The following PAXIP1 variants were observed in gnomAD, a reference collection of about 807,000 sequenced individuals.
The protein encoded by PAXIP1 is PAX-interacting protein 1.
A neutral mutation model predicts 140.6 loss-of-function variants in PAXIP1; 19 were observed. The ratio of observed to expected loss-of-function variants is 0.14; its 90% CI spans 0.09 to 0.20. PAXIP1 has a LOEUF of 0.20. Among genes scored for constraint, PAXIP1 ranks in the 10% least tolerant of loss-of-function variants. The probability of loss-of-function intolerance (pLI) is 1.00; values close to 1 mark genes in which losing one functional copy is unlikely to be tolerated. For synonymous variants in PAXIP1, 442 were observed against 444.6 expected (o/e 0.99, Z 0.07); for missense variants, 920 against 1,208.6 (o/e 0.76, Z 3.54).
chr7:154,955,638 A>T lies in PAXIP1; in HGVS notation c.2550-7T>A. On this transcript the variant is annotated splice_polypyrimidine_tract_variant and splice_region_variant and intron_variant, in intron 14 of 20. Coordinates refer to ENST00000404141, the MANE Select transcript of PAXIP1 (RefSeq NM_007349.4). ...AGGTGGTACGTCTTCAATTCTGTGG[A>T]AGAAATACACATAAAATAGTAGTGA... 1.4e-6 allele frequency: 2 copies of T among 1,461,282 alleles called. No individual in the cohort carries two copies. Among genetic ancestry groups the T allele is most frequent in the Non-Finnish European group, 1.9e-6 (2 of 1,069,436 alleles). The allele number at this position is 1,461,282 out of a possible 1,614,324, so 90.5% of individuals were successfully genotyped here.
chr7:155,001,519 C>A (rs1488412051), intron 1 of PAXIP1: 1 of 144,146 alleles, frequency 6.9e-6, no homozygotes, highest in Non-Finnish European at 1.5e-5. Flanking sequence ...TTTTTTGAGA[C>A]GGAGTCTAGC....
intron 7 of PAXIP1, 57 bp from the exon 8 acceptor site, chr7:154,967,967 A>C (rs182247217): frequency 9.0e-7 from 1 of 1,115,424 alleles, no homozygotes; most frequent in East Asian, 2.5e-5. Flanking sequence ...ATGCTTGCAC[A>C]AAAGTTAAAA....
chr7:154,984,194 T>G (rs1809964547), intron 4 of PAXIP1, among the ~76,000 whole-genome samples: 2 of 152,230 alleles, frequency 1.3e-5, no homozygotes, highest in South Asian at 4.1e-4. Context: ...GACTTTCCAC[T>G]GTTCTACAGT....
At chr7:154,957,953 G>A (rs1210664588) in intron 13 of PAXIP1, among the ~76,000 whole-genome samples, 6 of 121,688 alleles carry the variant, frequency 4.9e-5, no homozygotes, top group Admixed American at 2.2e-4. Context: ...TGGCCTGGGC[G>A]ACAGAGCGAG....
Position 154,963,558 on chromosome 7 carries a change from T to C in PAXIP1, c.1989+113A>G. 1.5e-6 allele frequency: 1 copy of C among 675,766 alleles called. No individual in the cohort carries two copies. Among genetic ancestry groups the C allele is most frequent in the Non-Finnish European group, 2.6e-6 (1 of 383,206 alleles). The allele number at this position is 675,766 out of a possible 1,614,324, so 41.9% of individuals were successfully genotyped here. ...ATCACAGGAAGAAGGAATTTTCCTA[T>C]CTTTAGAGGTAGAAAAAAGTTCTTT... On this transcript the variant is annotated intron_variant, in intron 9 of 20. Coordinates refer to ENST00000404141, the MANE Select transcript of PAXIP1 (RefSeq NM_007349.4). The surrounding 1 kb of genome is among the most constrained non-coding windows in gnomAD (Gnocchi z 4.1).
chr7:154,995,402 T>C (rs1038405344), intron 2 of PAXIP1, among the ~76,000 whole-genome samples: 3 of 152,128 alleles, frequency 2.0e-5, no homozygotes, highest in Non-Finnish European at 4.4e-5. Flanking sequence ...TAAAGTCCCA[T>C]CCAAGCACAG....
At chr7:154,969,830 C>T (rs1272774712) in intron 6 of PAXIP1, among the ~76,000 whole-genome samples, 2 of 152,168 alleles carry the variant, frequency 1.3e-5, no homozygotes, top group African/African-American at 2.4e-5. Flanking sequence ...TGGTGATGTT[C>T]CTCCCAACTA....
At chr7:154,945,743 T>A in intron 20 of PAXIP1, 1 of 985,330 alleles carries the variant, frequency 1.0e-6, no homozygotes, top group South Asian at 4.7e-5. Flanking sequence ...CTGTAAGGCA[T>A]GTTTTGCTTC....
At chr7:154,982,660 C>T (rs781156677) in intron 5 of PAXIP1, among the ~76,000 whole-genome samples, 7 of 152,148 alleles carry the variant, frequency 4.6e-5, no homozygotes, top group Non-Finnish European at 1.0e-4. Flanking sequence ...CAACAGGCTG[C>T]ATTTCTAACA....
intron 3 of PAXIP1, among the ~76,000 whole-genome samples, chr7:154,991,549 G>A (rs566055140): frequency 1.5e-3 from 234 of 152,258 alleles, no homozygotes; most frequent in Middle Eastern, 3.4e-3. Flanking sequence ...TATTATCTCC[G>A]CTAACTTTGT....
Position 155,003,020 on chromosome 7 carries a change from C to T in PAXIP1, c.-91G>A. 2.4e-6 allele frequency: 1 copy of T among 410,432 alleles called. No individual in the cohort carries two copies. Among genetic ancestry groups the T allele is most frequent in the Non-Finnish European group, 3.3e-6 (1 of 307,018 alleles). 25.4% of individuals were successfully genotyped at this position (410,432 alleles called of 1,614,324 possible). On this transcript the variant is annotated 5_prime_UTR_variant, in exon 1 of 21. Transcript: ENST00000404141. ...CGCGGCGCCCGGCGCCCCCACTCGC[C>T]CCGCCAACGGCCCTGCCCGCGCAGC...
At chr7:154,997,902 A>G (rs1272462627) in intron 2 of PAXIP1, among the ~76,000 whole-genome samples, 2 of 152,190 alleles carry the variant, frequency 1.3e-5, no homozygotes, top group African/African-American at 4.8e-5. Context: ...ATGGAAAGTA[A>G]CCCTGTCCTA....
chr7:154,945,312 A>G (rs1807907566), intron 20 of PAXIP1: 1 of 169,856 alleles, frequency 5.9e-6, no homozygotes. Flanking sequence ...CTTTTCTCTC[A>G]GTGATATCAA....
chr7:154,975,703 A>G lies in PAXIP1; in HGVS notation c.1067T>C (p.Val356Ala), dbSNP rs775193126. The stretch of plus-strand genomic sequence containing the variant: ...TCGGAAAGAGTGACTTACATGTGCT[A>G]CATTTGATGGCCGGTTCATCTGCTG... ...DIQQMNRPSN[V>A]AHILQTLSAP... The change falls in exon 6 of 21, where the codon GTA (valine) becomes GCA (alanine). Residue 356 changes from valine (V) to alanine (A), a missense_variant. By Grantham distance (64) the Val-to-Ala change is moderately conservative (BLOSUM62 0). Around this residue, in one of 5 missense-constraint regions of PAXIP1, gnomAD observed 419 missense variants for 514.7 expected, o/e 0.81. Coordinates refer to ENST00000404141, the MANE Select transcript of PAXIP1 (RefSeq NM_007349.4). 2 of 1,606,348 alleles carry G rather than the reference A, an allele frequency of 1.2e-6. No individual in the cohort carries two copies. The highest frequency in any genetic ancestry group is 1.7e-6 in the Non-Finnish European group (2 of 1,173,536).
intron 4 of PAXIP1, among the ~76,000 whole-genome samples, chr7:154,989,258 T>C (rs1405564908): frequency 1.3e-5 from 2 of 152,190 alleles, no homozygotes; most frequent in African/African-American, 4.8e-5. Context: ...ACCGGTGATA[T>C]CCTTTGTATT....
At chr7:154,962,873 G>A (rs1209026855) in intron 9 of PAXIP1, among the ~76,000 whole-genome samples, 1 of 152,152 alleles carries the variant, frequency 6.6e-6, no homozygotes, top group African/African-American at 2.4e-5. Flanking sequence ...CATTTTTACA[G>A]GAAAAGCAGA....
intron 13 of PAXIP1, among the ~76,000 whole-genome samples, chr7:154,959,632 C>CCT (rs1484513749): frequency 2.0e-5 from 3 of 152,150 alleles, no homozygotes; most frequent in Non-Finnish European, 2.9e-5. Flanking sequence ...AAAACATTCC[C>CCT]CTCATCAAGA....
chr7:154,999,897 A>G (rs1810808878), intron 1 of PAXIP1, among the ~76,000 whole-genome samples: 1 of 152,180 alleles, frequency 6.6e-6, no homozygotes, highest in South Asian at 2.1e-4. Context: ...ACAGCAACTG[A>G]TACTTCAGGG....
chr7:155,002,144 C>T (rs1034083260), intron 1 of PAXIP1: 1 of 152,266 alleles, frequency 6.6e-6, no homozygotes, highest in African/African-American at 2.4e-5. Context: ...TATAGGAATA[C>T]TAAGGAAAAC....
Sources: allele counts gnomAD v4.1 joint callset (sites outside exome capture counted in the v4.1 genomes callset), GRCh38; gene constraint gnomAD v4.1.1; regional missense constraint gnomAD v4.1.1; non-coding constraint Gnocchi (gnomAD v3.1); transcripts MANE v1.5; gene names NCBI Gene and HGNC (gene_info 2026-07-23, HGNC 2026-07-21).